PCLO: variants seen among roughly 807,000 people sequenced by gnomAD.
PCLO encodes piccolo presynaptic cytomatrix protein.
PCLO carries 82 observed loss-of-function variants against 427.5 expected under a neutral mutation model. The ratio of observed to expected loss-of-function variants is 0.19; its 90% confidence interval spans 0.16 to 0.23. The LOEUF is 0.23. Ranked by LOEUF, PCLO falls within the 10% of genes least tolerant of loss-of-function variation. The pLI is 1.00. For missense variants in PCLO, 6,239 were observed against 6,115.9 expected, an observed-to-expected ratio of 1.02 and a Z score of -0.67; for synonymous variants, 2,357 against 2,155.4, an observed-to-expected ratio of 1.09 and a Z score of -2.59.
intron 10 of PCLO, among the ~76,000 whole-genome samples, chr7:82,851,968 A>T: frequency 6.6e-6 from 1 of 152,028 alleles, no homozygotes; most frequent in East Asian, 1.9e-4. Flanking sequence ...TATTTTTCAT[A>T]TTTTACAATT....
At chr7:82,855,188 T>C (rs987501438) in intron 10 of PCLO, among the ~76,000 whole-genome samples, 4 of 152,176 alleles carry the variant, frequency 2.6e-5, no homozygotes, top group African/African-American at 4.8e-5. Context: ...TCGTCAAATG[T>C]GTTGTAAAAG....
intron 22 of PCLO, among the ~76,000 whole-genome samples, chr7:82,796,183 G>A (rs1791219859): frequency 6.6e-6 from 1 of 152,092 alleles, no homozygotes; most frequent in South Asian, 2.1e-4. Context: ...TTAGATTTAA[G>A]ACACAGATTT....
At chr7:82,806,311 A>C (rs1791456284) in intron 20 of PCLO, among the ~76,000 whole-genome samples, 1 of 152,150 alleles carries the variant, frequency 6.6e-6, no homozygotes, top group Admixed American at 6.5e-5. Context: ...GCAAAATAGA[A>C]TTTTAAGAAG....
intron 3 of PCLO, among the ~76,000 whole-genome samples, chr7:83,088,401 G>A (rs1790292552): frequency 1.3e-5 from 2 of 152,286 alleles, no homozygotes; most frequent in Non-Finnish European, 2.9e-5. Flanking sequence ...ACAAATCCCT[G>A]CTCAAATTCT....
chr7:83,111,637 C>T (rs756420403), intron 3 of PCLO, among the ~76,000 whole-genome samples: 1 of 152,180 alleles, frequency 6.6e-6, no homozygotes. Context: ...CTGCCAACAA[C>T]CTGAGTAACT....
rs1790330224 is a variant in PCLO at position 82,756,899 on chromosome 7, T to C, written c.*1676A>G. The C allele has an allele frequency of 6.6e-6, 1 of 152,110 alleles. No individual in the cohort carries two copies. Among genetic ancestry groups the C allele is most frequent in the Non-Finnish European group, 1.5e-5 (1 of 67,998 alleles). The allele number at this position is 152,110 out of a possible 1,614,324, so 9.4% of individuals were successfully genotyped here. A position where few individuals can be genotyped will look rare whatever the true frequency, so the allele number is the denominator to read the frequency against. ...AATAAAAAATAAGTTTTGTGGCTAA[T>C]TTACTGCTTTTATCCATGTCAATCC... On this transcript the variant is annotated 3_prime_UTR_variant, in exon 25 of 25. Transcript: ENST00000333891.
At chr7:82,809,229 G>T (rs1046944814) in intron 20 of PCLO, among the ~76,000 whole-genome samples, 1 of 151,748 alleles carries the variant, frequency 6.6e-6, no homozygotes, top group Non-Finnish European at 1.5e-5. Flanking sequence ...CCTCTCAAAA[G>T]AGTTTTTTAT....
rs747245618 is a variant in PCLO at position 83,135,571 on chromosome 7, T to C, written c.1979A>G (p.Lys660Arg). The change falls in exon 3 of 25, where the codon AAA (lysine) becomes AGA (arginine). Residue 660 changes from lysine (K) to arginine (R), a missense_variant. Around this residue, in one of 5 missense-constraint regions of PCLO, gnomAD observed 4,677 missense variants for 4,468.4 expected, o/e 1.05. Transcript: ENST00000333891. ...LAPVPSSPQP[K>R]LKTAPVTTTS... ...AGTGGTAACAGGTGCAGTCTTCAGT[T>C]TGGGCTGGGGTGATGACGGAACTGG... is the stretch of plus-strand genomic sequence containing the variant. 6.2e-7 allele frequency: 1 copy of C among 1,613,560 alleles called. No individual in the cohort carries two copies. The highest frequency in any genetic ancestry group is 1.1e-5 in the South Asian group (1 of 91,016).
At chr7:82,895,647 C>T (rs1793885589) in intron 9 of PCLO, among the ~76,000 whole-genome samples, 1 of 151,632 alleles carries the variant, frequency 6.6e-6, no homozygotes, top group Non-Finnish European at 1.5e-5. Context: ...CACTGTGTGA[C>T]CTAAGAGAAA....
chr7:83,107,431 C>T (rs940066289), intron 3 of PCLO, among the ~76,000 whole-genome samples: 1 of 151,934 alleles, frequency 6.6e-6, no homozygotes. Context: ...CTTTCTTAGG[C>T]CTTAGCTGAG....
At chr7:82,900,523 T>C (rs192670798) in intron 9 of PCLO, among the ~76,000 whole-genome samples, 2 of 144,560 alleles carry the variant, frequency 1.4e-5, no homozygotes, top group South Asian at 2.2e-4. Flanking sequence ...GAAAAATTTA[T>C]ATTTTATCTC....
At chr7:83,082,944 A>T (rs1318896073) in intron 3 of PCLO, among the ~76,000 whole-genome samples, 2 of 151,870 alleles carry the variant, frequency 1.3e-5, no homozygotes, top group African/African-American at 2.4e-5. Context: ...CAAAAGAACA[A>T]AATATCTAGA....
chr7:82,812,938 A>G (rs1791602715), intron 20 of PCLO, among the ~76,000 whole-genome samples: 1 of 151,640 alleles, frequency 6.6e-6, no homozygotes, highest in South Asian at 2.1e-4. Context: ...GCAGGAATAA[A>G]GACTACTGTA....
At chr7:82,857,056 C>G (rs567941486) in intron 10 of PCLO, among the ~76,000 whole-genome samples, 1 of 152,116 alleles carries the variant, frequency 6.6e-6, no homozygotes, top group Admixed American at 6.5e-5. Context: ...AAGGTCCTCT[C>G]AAGATGCCAG....
At chr7:83,034,463 T>C (rs1288648603) in intron 3 of PCLO, among the ~76,000 whole-genome samples, 1 of 152,186 alleles carries the variant, frequency 6.6e-6, no homozygotes. Context: ...GCTGGGATTA[T>C]AGGCAAAAGC....
At chr7:82,880,067 A>G (rs1793466258) in intron 9 of PCLO, among the ~76,000 whole-genome samples, 2 of 152,296 alleles carry the variant, frequency 1.3e-5, no homozygotes, top group Admixed American at 6.5e-5. Flanking sequence ...GTTCTTCTGG[A>G]ATTAGCCACA....
chr7:83,002,525 G>T (rs1334560984), intron 3 of PCLO, among the ~76,000 whole-genome samples: 1 of 151,428 alleles, frequency 6.6e-6, no homozygotes, highest in African/African-American at 2.4e-5. Flanking sequence ...TTTTAATTTG[G>T]CTTTAATACA....
rs141649437 is a variant in PCLO at position 82,757,015 on chromosome 7, T to C, written c.*1560A>G. On this transcript the variant is annotated 3_prime_UTR_variant, in exon 25 of 25. Transcript: ENST00000333891. ...TATTCCTCACTTCTGTGTATAAAAC[T>C]ATATTTGGAAATGTGCTTTCATCTT... The C allele has an allele frequency of 1.2e-4, 18 of 152,250 alleles. No homozygotes were observed. The highest frequency in any genetic ancestry group is 3.6e-4 in the African/African-American group (15 of 41,572). The allele number at this position is 152,250 out of a possible 1,614,324, so 9.4% of individuals were successfully genotyped here.
intron 10 of PCLO, among the ~76,000 whole-genome samples, chr7:82,869,153 A>G (rs1266743342): frequency 1.3e-5 from 2 of 152,118 alleles, no homozygotes; most frequent in Non-Finnish European, 2.9e-5. Flanking sequence ...GATTTAGTCC[A>G]TGATATTAAC....
Sources: allele counts gnomAD v4.1 joint callset (sites outside exome capture counted in the v4.1 genomes callset), GRCh38; gene constraint gnomAD v4.1.1; regional missense constraint gnomAD v4.1.1; transcripts MANE v1.5; gene names NCBI Gene and HGNC (gene_info 2026-07-23, HGNC 2026-07-21).